MCTP1: variants seen among roughly 807,000 people sequenced by gnomAD.
MCTP1 encodes the protein multiple C2 and transmembrane domain-containing protein 1.
MCTP1 carries 69 observed loss-of-function variants against 120.6 expected under a neutral mutation model. The ratio of observed to expected loss-of-function variants is 0.57; its 90% confidence interval spans 0.47 to 0.70. MCTP1 has a LOEUF of 0.70. Ranked by LOEUF, MCTP1 falls within the 30% of genes least tolerant of loss-of-function variation. MCTP1 has a pLI of 0.00. For missense variants in MCTP1, 1,203 were observed against 1,248.8 expected (o/e 0.96, Z 0.55); for synonymous variants, 529 against 493.1 (o/e 1.07, Z -0.96).
rs563208159 is a variant in MCTP1 at position 95,128,333 on chromosome 5, A to G, written c.721-110849T>C. ...ATATGACCGAGCAATTATATGTGCA[A>G]GAGAAATAAAAACATATGTACACAC... On this transcript the variant is annotated intron_variant, in intron 1 of 22. Coordinates refer to ENST00000515393, the MANE Select transcript of MCTP1 (RefSeq NM_024717.7). Among the ~76,000 whole-genome samples the G allele has an allele frequency of 3.3e-5, 5 of 152,380 alleles. No individual in the cohort carries two copies. In the East Asian group the frequency reaches 9.6e-4, roughly 29 times the overall value.
intron 2 of MCTP1, among the ~76,000 whole-genome samples, chr5:95,009,234 T>A (rs73138039): frequency 2.3e-4 from 35 of 152,252 alleles, no homozygotes; most frequent in Admixed American, 1.2e-3. Flanking sequence ...TCAAGGAAAC[T>A]ACTATATCCG....
At chr5:95,140,879 CAAAAAAA>C (rs33910299) in intron 1 of MCTP1, among the ~76,000 whole-genome samples, 1 of 45,338 alleles carries the variant, frequency 2.2e-5, no homozygotes, top group Non-Finnish European at 4.0e-5. Context: ...GACTCCGTCT[CAAAAAAA>C]AAAAAAAAAA....
rs534871702 is a variant in MCTP1, at chr5:94,884,511, G to A, written c.1933+4368C>T. Among the ~76,000 whole-genome samples, 4 of 151,592 alleles carry A rather than the reference G, an allele frequency of 2.6e-5. No individual in the cohort carries two copies. The East Asian group carries it at 7.8e-4, about 30-fold the overall frequency. On this transcript the variant is annotated intron_variant, in intron 12 of 22. Coordinates refer to ENST00000515393, the MANE Select transcript of MCTP1 (RefSeq NM_024717.7). ...CTGGAAGTGTGAAATCAGACCTCAT[G>A]AGTTGAACGGTTCCCCAGGGAACGC...
intron 17 of MCTP1, chr5:94,867,375 T>C: frequency 6.6e-7 from 1 of 1,524,252 alleles, no homozygotes; most frequent in Non-Finnish European, 8.8e-7. Context: ...GAAAGTCCCA[T>C]ACAAGGCCTG....
At chr5:94,875,056 A>T (rs1215696028) in intron 12 of MCTP1, among the ~76,000 whole-genome samples, 1 of 152,166 alleles carries the variant, frequency 6.6e-6, no homozygotes, top group East Asian at 1.9e-4. Flanking sequence ...ACAATTTTTT[A>T]AAAATCCCTG....
chr5:94,981,962 G>A (rs13160334), intron 2 of MCTP1, among the ~76,000 whole-genome samples: 69,983 of 151,984 alleles, frequency 0.46, 16,712 homozygotes, highest in African/African-American at 0.55. Context: ...ATGTTTTAAG[G>A]TTGCCTTGTC....
intron 17 of MCTP1, chr5:94,867,476 G>T: frequency 1.3e-6 from 1 of 787,992 alleles, no homozygotes. Flanking sequence ...TATAATTAAG[G>T]CTCTTCTTGT....
intron 1 of MCTP1, among the ~76,000 whole-genome samples, chr5:95,206,930 T>C (rs1231557782): frequency 6.6e-6 from 1 of 152,360 alleles, no homozygotes; most frequent in East Asian, 1.9e-4. Flanking sequence ...AATGTTGATA[T>C]ATATGATTTC....
At chr5:94,902,188 G>C (rs1805704999) in intron 10 of MCTP1, among the ~76,000 whole-genome samples, 1 of 152,112 alleles carries the variant, frequency 6.6e-6, no homozygotes, top group South Asian at 2.1e-4. Context: ...GTGGATAGAA[G>C]ATAACACTAA....
At position 95,192,896 on chromosome 5, in the gene MCTP1, A is replaced by G. The variant is rs73776312; in HGVS notation, c.720+90960T>C. Among the ~76,000 whole-genome samples, 530 of 152,222 alleles carry G rather than the reference A, an allele frequency of 3.5e-3. 3 individuals carry two copies. The highest frequency in any genetic ancestry group is 0.012 in the African/African-American group (493 of 41,550). ...ACATTTCTTGAGGGAATAGATTGCT[A>G]CTTGCTGATAAGATCTCTGACAGTA... is the stretch of plus-strand genomic sequence containing the variant. On this transcript the variant is annotated intron_variant, in intron 1 of 22. Transcript: ENST00000515393.
intron 10 of MCTP1, among the ~76,000 whole-genome samples, chr5:94,897,503 C>T (rs1804352529): frequency 6.6e-6 from 1 of 152,028 alleles, no homozygotes; most frequent in African/African-American, 2.4e-5. Flanking sequence ...ATTACAGGTG[C>T]CCACCACCAT....
Position 95,164,595 on chromosome 5 carries a change from T to C in MCTP1, c.720+119261A>G, listed in dbSNP as rs373802478. ...GATTTCAGATAAACAATAAATAAGT[T>C]TTAGTATAATAATACATGCAATATT... On this transcript the variant is annotated intron_variant, in intron 1 of 22. Transcript: ENST00000515393. Among the ~76,000 whole-genome samples the C allele has an allele frequency of 6.6e-5, 10 of 152,300 alleles. No individual in the cohort carries two copies. In the East Asian group the frequency reaches 1.9e-3, roughly 29 times the overall value.
At chr5:95,024,175 G>T in intron 1 of MCTP1, 1 of 386,268 alleles carries the variant, frequency 2.6e-6, no homozygotes, top group Non-Finnish European at 5.1e-6. Flanking sequence ...TCACTTCCAA[G>T]ACCAATGTCA....
chr5:95,250,733 A>C (rs1377518178), intron 1 of MCTP1, among the ~76,000 whole-genome samples: 1 of 152,194 alleles, frequency 6.6e-6, no homozygotes, highest in African/African-American at 2.4e-5. Context: ...AATACTTAGC[A>C]CAAAAATGCT....
chr5:95,004,407 T>G (rs1458993973), intron 2 of MCTP1, among the ~76,000 whole-genome samples: 2 of 152,202 alleles, frequency 1.3e-5, no homozygotes, highest in Admixed American at 6.5e-5. Context: ...GAAATTTGCA[T>G]AAGAGGAGCT....
At chr5:94,711,495 C>T (rs1009207951) in intron 20 of MCTP1, among the ~76,000 whole-genome samples, 1 of 152,126 alleles carries the variant, frequency 6.6e-6, no homozygotes, top group Admixed American at 6.6e-5. Flanking sequence ...AGGAACAAAA[C>T]AGCCTTGCAA....
chr5:94,866,845 G>A (rs1240054967), intron 17 of MCTP1, among the ~76,000 whole-genome samples: 4 of 91,958 alleles, frequency 4.3e-5, no homozygotes, highest in African/African-American at 1.9e-4. Context: ...AGTTTATGAA[G>A]ACTTACACAA....
intron 10 of MCTP1, among the ~76,000 whole-genome samples, chr5:94,897,191 T>C (rs992981260): frequency 1.3e-5 from 2 of 151,226 alleles, no homozygotes; most frequent in Non-Finnish European, 2.9e-5. Flanking sequence ...AGCCTCCAGG[T>C]AGCTGGGACT....
chr5:94,951,647 C>A (rs1046697502), intron 3 of MCTP1, among the ~76,000 whole-genome samples: 1 of 152,148 alleles, frequency 6.6e-6, no homozygotes, highest in African/African-American at 2.4e-5. Context: ...TCCTTCACAG[C>A]CCACTTGTCT....
Sources: gnomAD v4.1 joint callset for allele counts (sites outside exome capture counted in the v4.1 genomes callset) on GRCh38, gnomAD v4.1.1 for gene constraint, MANE v1.5 for transcripts, NCBI Gene and HGNC (gene_info 2026-07-23, HGNC 2026-07-21) for gene names.